NAALADL2: variants seen among roughly 807,000 people sequenced by gnomAD.
The protein encoded by NAALADL2 is N-acetylated alpha-linked acidic dipeptidase like 2, also known as inactive N-acetylated-alpha-linked acidic dipeptidase-like protein 2.
NAALADL2 carries 76 observed loss-of-function variants against 87.2 expected under a neutral mutation model. The observed-to-expected ratio is 0.87, with a 90% CI of 0.72 to 1.05. The LOEUF is 1.05. NAALADL2 is among the 50% of genes least tolerant of loss of function. The probability of loss-of-function intolerance (pLI) is 0.00; values close to 1 mark genes in which losing one functional copy is unlikely to be tolerated. For missense variants in NAALADL2, 1,089 were observed against 945.8 expected (o/e 1.15, Z -1.99); for synonymous variants, 354 against 331.0 (o/e 1.07, Z -0.75).
intron 1 of NAALADL2, among the ~76,000 whole-genome samples, chr3:174,931,185 A>G (rs1736839759): frequency 6.6e-6 from 1 of 152,170 alleles, no homozygotes; most frequent in South Asian, 2.1e-4. Context: ...CCATGTAATG[A>G]CCAACCAATA....
chr3:175,090,487 C>G (rs1321268813), intron 1 of NAALADL2, among the ~76,000 whole-genome samples: 1 of 151,984 alleles, frequency 6.6e-6, no homozygotes, highest in Non-Finnish European at 1.5e-5. Flanking sequence ...GGTTGGCCTA[C>G]TCGGGGAACT....
intron 13 of NAALADL2, among the ~76,000 whole-genome samples, chr3:175,785,067 G>A (rs1438913923): frequency 1.3e-5 from 2 of 151,128 alleles, no homozygotes; most frequent in Non-Finnish European, 3.0e-5. Flanking sequence ...TGGTCTGAGA[G>A]ATAGTTTGTT....
At chr3:175,343,660 T>G (rs1429405002) in intron 5 of NAALADL2, among the ~76,000 whole-genome samples, 1 of 133,242 alleles carries the variant, frequency 7.5e-6, no homozygotes, top group African/African-American at 3.1e-5. Flanking sequence ...ATCATGTTTT[T>G]TTTTTTTTTT....
intron 3 of NAALADL2, among the ~76,000 whole-genome samples, chr3:174,772,394 G>A (rs1714677591): frequency 1.3e-5 from 2 of 151,986 alleles, no homozygotes; most frequent in Non-Finnish European, 2.9e-5. Context: ...GATGTTAATT[G>A]GTGTGCAGAT....
At chr3:175,763,524 T>C (rs977279893) in intron 13 of NAALADL2, among the ~76,000 whole-genome samples, 7 of 152,154 alleles carry the variant, frequency 4.6e-5, no homozygotes, top group African/African-American at 1.7e-4. Flanking sequence ...AGAGCAATAA[T>C]TATTGTCCTC....
intron 7 of NAALADL2, among the ~76,000 whole-genome samples, chr3:175,465,160 G>A (rs371446599): frequency 5.9e-5 from 9 of 151,672 alleles, no homozygotes; most frequent in African/African-American, 2.2e-4. Context: ...GCTGAGGCAG[G>A]AGAATGGCGT....
At position 175,053,083 on chromosome 3, in the gene NAALADL2, G is replaced by C. The variant is rs112773107; in HGVS notation, c.44-43707G>C. The stretch of plus-strand genomic sequence containing the variant: ...TAAGTACGTTCATTTTTTCTGAACA[G>C]GTTCAATTTTGTTTACAAATAGGTT... On this transcript the variant is annotated intron_variant, in intron 1 of 13. Transcript: ENST00000454872. Among the ~76,000 whole-genome samples, 206 of 152,304 alleles carry C rather than the reference G, an allele frequency of 1.4e-3. 1 individual carries two copies. The highest frequency in any genetic ancestry group is 4.8e-3 in the African/African-American group (200 of 41,568).
intron 2 of NAALADL2, among the ~76,000 whole-genome samples, chr3:175,147,943 G>T (rs1249758899): frequency 6.6e-6 from 1 of 151,734 alleles, no homozygotes; most frequent in African/African-American, 2.4e-5. Context: ...AGTGATGGAC[G>T]CCTGTAATCC....
intron 9 of NAALADL2, among the ~76,000 whole-genome samples, chr3:175,508,397 C>T (rs1467039378): frequency 5.9e-5 from 9 of 152,114 alleles, no homozygotes; most frequent in Admixed American, 2.6e-4. Flanking sequence ...TATTTACCTC[C>T]TTAAATATTT....
chr3:175,235,331 A>G (rs1346319199), intron 3 of NAALADL2: 5 of 152,296 alleles, frequency 3.3e-5, no homozygotes, highest in African/African-American at 1.2e-4. Flanking sequence ...TATTCTGTAT[A>G]TATCACACTT....
At chr3:174,590,510 G>A (rs1717247194) in intron 2 of NAALADL2, among the ~76,000 whole-genome samples, 1 of 151,996 alleles carries the variant, frequency 6.6e-6, no homozygotes, top group Admixed American at 6.6e-5. Flanking sequence ...ATTTTTTACT[G>A]ATAGATTTTG....
chr3:174,684,666 C>T (rs555757831), intron 2 of NAALADL2, among the ~76,000 whole-genome samples: 6 of 152,170 alleles, frequency 3.9e-5, no homozygotes, highest in Admixed American at 2.0e-4. Flanking sequence ...CATGGAAGAG[C>T]AGCTATCCTT....
intron 1 of NAALADL2, among the ~76,000 whole-genome samples, chr3:175,006,112 G>C (rs1453001466): frequency 6.6e-6 from 1 of 152,090 alleles, no homozygotes. Context: ...TTCCCACCTG[G>C]AATGCCTTTT....
intron 9 of NAALADL2, among the ~76,000 whole-genome samples, chr3:175,473,564 A>T (rs1418475823): frequency 1.3e-5 from 2 of 151,630 alleles, no homozygotes; most frequent in Non-Finnish European, 2.9e-5. Flanking sequence ...GAATATAAAT[A>T]ACTTAATATA....
chr3:175,074,678 A>T lies in NAALADL2; in HGVS notation c.44-22112A>T, dbSNP rs568757646. On this transcript the variant is annotated intron_variant, in intron 1 of 13. Transcript: ENST00000454872. ...TATTAAAAATAGTCTTTGTCTTTTA[A>T]AATTACATACTGAAATAACTATGCA... Among the ~76,000 whole-genome samples, 6 of 152,158 alleles carry T rather than the reference A, an allele frequency of 3.9e-5. No individual in the cohort carries two copies. In the South Asian group the frequency reaches 1.2e-3, roughly 32 times the overall value.
At chr3:175,335,378 G>A (rs187389192) in intron 5 of NAALADL2, among the ~76,000 whole-genome samples, 4 of 152,226 alleles carry the variant, frequency 2.6e-5, no homozygotes, top group South Asian at 2.1e-4. Flanking sequence ...GAAAAAATTC[G>A]GTGGTTATAG....
At chr3:175,391,683 A>C (rs1174323278) in intron 5 of NAALADL2, among the ~76,000 whole-genome samples, 3 of 152,204 alleles carry the variant, frequency 2.0e-5, no homozygotes, top group Admixed American at 6.5e-5. Flanking sequence ...CTGTAAAATA[A>C]TAAGAATTTA....
intron 1 of NAALADL2, among the ~76,000 whole-genome samples, chr3:174,469,789 A>G (rs1716786637): frequency 1.3e-5 from 2 of 151,838 alleles, no homozygotes; most frequent in African/African-American, 2.4e-5. Flanking sequence ...AGGTTTGTGT[A>G]TGTGTGTGTG....
intron 5 of NAALADL2, among the ~76,000 whole-genome samples, chr3:175,386,270 C>T (rs1411802110): frequency 1.3e-5 from 2 of 151,158 alleles, no homozygotes; most frequent in Non-Finnish European, 2.9e-5. Flanking sequence ...TTGTCCTCCT[C>T]TGAGATTTAT....
Sources: allele counts gnomAD v4.1 joint callset (sites outside exome capture counted in the v4.1 genomes callset), GRCh38; gene constraint gnomAD v4.1.1; transcripts MANE v1.5; gene names NCBI Gene and HGNC (gene_info 2026-07-23, HGNC 2026-07-21).